The following TBK1 variants were observed in gnomAD, a reference collection of about 807,000 sequenced individuals.
The protein encoded by TBK1 is serine/threonine-protein kinase TBK1.
Under a neutral mutation model 99.9 loss-of-function variants are expected in TBK1, and 37 were observed. The observed-to-expected ratio is 0.37, with a 90% CI of 0.28 to 0.49. TBK1 has a LOEUF of 0.49. TBK1 is among the 20% of genes least tolerant of loss of function. The pLI is 0.98. For synonymous variants in TBK1, 258 were observed against 279.8 expected, an observed-to-expected ratio of 0.92 and a Z score of 0.78; for missense variants, 644 against 872.5, an observed-to-expected ratio of 0.74 and a Z score of 3.30.
chr12:64,497,898 TA>T, intron 19 of TBK1, 69 bp from the exon 20 acceptor site: 1 of 1,489,186 alleles, frequency 6.7e-7, no homozygotes, highest in South Asian at 1.2e-5. Flanking sequence ...TAAAAGAAAA[TA>T]AAACATAAAC....
intron 13 of TBK1, among the ~76,000 whole-genome samples, chr12:64,491,350 G>A (rs1161792342): frequency 1.3e-5 from 2 of 152,146 alleles, no homozygotes; most frequent in Non-Finnish European, 2.9e-5. Context: ...GCTGGGTGTG[G>A]TGGCTCACAC....
chr12:64,497,152 T>C lies in TBK1; in HGVS notation c.1863-11T>C. On this transcript the variant is annotated splice_polypyrimidine_tract_variant and intron_variant, in intron 17 of 20. Transcript: ENST00000331710. ...TAGACTGCATATCAATTGATTCTTT[T>C]TGGTTTTCAGAAAGATGCTTCATCT... The C allele has an allele frequency of 6.3e-7, 1 of 1,589,430 alleles. No individual in the cohort carries two copies. Among genetic ancestry groups the C allele is most frequent in the Non-Finnish European group, 8.6e-7 (1 of 1,165,634 alleles).
At chr12:64,464,075 G>A (rs1271441316) in intron 3 of TBK1, among the ~76,000 whole-genome samples, 1 of 152,026 alleles carries the variant, frequency 6.6e-6, no homozygotes, top group Non-Finnish European at 1.5e-5. Context: ...TGTTGGCCAG[G>A]ATAGTCTCAA....
intron 13 of TBK1, among the ~76,000 whole-genome samples, chr12:64,494,141 A>C (rs745473881): frequency 6.6e-6 from 1 of 152,176 alleles, no homozygotes; most frequent in Non-Finnish European, 1.5e-5. Context: ...GACATAAAGC[A>C]TAAAAACCGA....
chr12:64,495,692 T>C lies in TBK1; in HGVS notation c.1644-7T>C. ...TTAATTTATTTGAGTTTTTCTTCCTTAAATAGTGTAGAAAAACTACAAGTC... is the reference window on the plus strand; with the variant it reads ...TTAATTTATTTGAGTTTTTCTTCCTCAAATAGTGTAGAAAAACTACAAGTC... On this transcript the variant is annotated splice_region_variant and splice_polypyrimidine_tract_variant and intron_variant, in intron 14 of 20. Coordinates refer to ENST00000331710, the MANE Select transcript of TBK1 (RefSeq NM_013254.4). 6.2e-7 allele frequency: 1 copy of C among 1,611,386 alleles called. No homozygotes were observed. Among genetic ancestry groups the C allele is most frequent in the Non-Finnish European group, 8.5e-7 (1 of 1,179,088 alleles).
intron 15 of TBK1, 168 bp downstream of exon 15, chr12:64,495,943 ACTATCCTT>A: frequency 1.5e-5 from 8 of 547,246 alleles, no homozygotes; most frequent in Non-Finnish European, 2.5e-5. Context: ...AAAAAAAAAA[ACTATCCTT>A]AAAATCAACC....
At chr12:64,452,273 C>G (rs1004189489) in intron 1 of TBK1, 86 bp downstream of exon 1, 3 of 152,226 alleles carry the variant, frequency 2.0e-5, no homozygotes, top group African/African-American at 7.2e-5. Context: ...GGAGCGCTCC[C>G]GCCCCCTGTG....
Position 64,474,346 on chromosome 12 carries a change from G to C in TBK1, c.657G>C (p.Leu219=). 6.2e-7 allele frequency: 1 copy of C among 1,614,034 alleles called. No homozygotes were observed. The highest frequency in any genetic ancestry group is 8.5e-7 in the Non-Finnish European group (1 of 1,179,984). ...TTTACCATGCAGCTACTGGATCACT[G>C]CCATTTAGACCCTTTGAAGGGCCTC... The part of the protein sequence containing the change: ...VTFYHAATGS[L]PFRPFEGPRR... Residue 219 remains leucine, a synonymous_variant, in exon 6 of 21, where the codon CTG becomes CTC. Transcript: ENST00000331710.
At chr12:64,488,417 A>G (rs1411269419) in intron 11 of TBK1, 70 bp from the exon 12 acceptor site, 3 of 795,504 alleles carry the variant, frequency 3.8e-6, no homozygotes, top group East Asian at 2.8e-5. Context: ...GTAGTACTGC[A>G]GTATAATTAG....
intron 6 of TBK1, among the ~76,000 whole-genome samples, chr12:64,477,947 G>A (rs1410411387): frequency 6.6e-6 from 1 of 152,132 alleles, no homozygotes; most frequent in African/African-American, 2.4e-5. Context: ...ATCCATAATT[G>A]ACCACACTTC....
Position 64,491,205 on chromosome 12 carries a change from T to TAGC in TBK1, c.1521+1086_1521+1087insAGC, listed in dbSNP as rs547353785. Among the ~76,000 whole-genome samples, 26 of 152,318 alleles carry TAGC rather than the reference T, an allele frequency of 1.7e-4. No homozygotes were observed. In the East Asian group the frequency reaches 5.0e-3, roughly 29 times the overall value. Reference sequence around the variant, plus strand: ...CCCCATTTACCTGCCTACTCATGACTGGCTACTTAAGCAAGGCCTTTTAAT... The same window carrying TAGC: ...CCCCATTTACCTGCCTACTCATGACTAGCGGCTACTTAAGCAAGGCCTTTTAAT... On this transcript the variant is annotated intron_variant, in intron 13 of 20. Transcript: ENST00000331710.
chr12:64,481,910 GT>G lies in TBK1; in HGVS notation c.885del (p.Phe295LeufsTer16). The G allele has an allele frequency of 6.2e-7, 1 of 1,611,614 alleles. No homozygotes were observed. The highest frequency in any genetic ancestry group is 8.5e-7 in the Non-Finnish European group (1 of 1,178,972). On this transcript the variant is annotated frameshift_variant, in exon 8 of 21. Transcript: ENST00000331710. LOFTEE classifies it high-confidence loss of function. ...ILEADQEKCW[G>X]FDQFFAETSD... Reference sequence around the variant, plus strand: ...GAAGCAGATCAGGAAAAGTGTTGGGGTTTTGACCAGTTTTTTGCAGAAACTA... The same window carrying G: ...GAAGCAGATCAGGAAAAGTGTTGGGGTTTGACCAGTTTTTTGCAGAAACTA...
intron 4 of TBK1, among the ~76,000 whole-genome samples, chr12:64,466,616 T>C (rs555733440): frequency 2.2e-4 from 34 of 152,184 alleles, no homozygotes; most frequent in African/African-American, 8.2e-4. Context: ...ATTCAAGAAA[T>C]CATATGCTTA....
At chr12:64,470,612 C>T (rs893373239) in intron 5 of TBK1, among the ~76,000 whole-genome samples, 2 of 152,120 alleles carry the variant, frequency 1.3e-5, no homozygotes, top group Non-Finnish European at 2.9e-5. Flanking sequence ...AAATGGAGTT[C>T]GAAATAGATT....
rs79536404 is a variant in TBK1, at chr12:64,488,433, G to A, written c.1341-54G>A. The A allele has an allele frequency of 2.0e-3, 2,148 of 1,066,158 alleles. 36 individuals carry two copies. The African/African-American group carries it at 0.032, about 16-fold the overall frequency. 66.0% of individuals were successfully genotyped at this position (1,066,158 alleles called of 1,614,324 possible). ...TAGTACTGCAGTATAATTAGTGATAGATAGAAAAAATAACTCCTTAGATAA... is the reference window on the plus strand; with the variant it reads ...TAGTACTGCAGTATAATTAGTGATAAATAGAAAAAATAACTCCTTAGATAA... On this transcript the variant is annotated intron_variant, in intron 11 of 20. Transcript: ENST00000331710.
In TBK1 at chr12:64,485,990, T is replaced by C; in HGVS notation, c.1313T>C (p.Leu438Ser). 6.3e-7 allele frequency: 1 copy of C among 1,591,748 alleles called. No individual in the cohort carries two copies. The highest frequency in any genetic ancestry group is 8.5e-7 in the Non-Finnish European group (1 of 1,170,052). The stretch of plus-strand genomic sequence containing the variant: ...AGTACCTTACTGCTTTATCAGGAAT[T>C]AATGCGAAAGGGGATACGATGGCTG... ...IASTLLLYQE[L>S]MRKGIRWLIE... is the part of the protein sequence containing the mutation. The change falls in exon 11 of 21, where the codon TTA becomes TCA. Residue 438 changes from leucine to serine, a missense_variant. Leu to Ser is a moderately radical substitution (Grantham distance 145). This residue lies in a region of TBK1 where 465 missense variants were observed against 588.0 expected (regional missense o/e 0.79). Transcript: ENST00000331710.
chr12:64,454,994 T>C (rs2040471547), intron 1 of TBK1, among the ~76,000 whole-genome samples: 1 of 146,240 alleles, frequency 6.8e-6, no homozygotes, highest in Non-Finnish European at 1.5e-5. Flanking sequence ...TTTTTTTCTT[T>C]TTTTTTTTTT....
intron 2 of TBK1, among the ~76,000 whole-genome samples, chr12:64,457,978 G>T (rs566428199): frequency 6.6e-6 from 1 of 152,100 alleles, no homozygotes; most frequent in Non-Finnish European, 1.5e-5. Flanking sequence ...GAGCATGGTG[G>T]CTCACGCCTG....
chr12:64,480,008 C>T lies in TBK1; in HGVS notation c.702-4C>T, dbSNP rs2040752578. 1 of 1,601,586 alleles carries T rather than the reference C, an allele frequency of 6.2e-7. No homozygotes were observed. The highest frequency in any genetic ancestry group is 2.2e-5 in the East Asian group (1 of 44,652). On this transcript the variant is annotated splice_region_variant and splice_polypyrimidine_tract_variant and intron_variant, in intron 6 of 20. Coordinates refer to ENST00000331710, the MANE Select transcript of TBK1 (RefSeq NM_013254.4). Reference sequence around the variant, plus strand: ...TATTTTATTCTGCTTTTGTTCCTCCCAAGGTATAAAATAATTACAGGAAAG... The same window carrying T: ...TATTTTATTCTGCTTTTGTTCCTCCTAAGGTATAAAATAATTACAGGAAAG...
Sources: allele counts gnomAD v4.1 joint callset (sites outside exome capture counted in the v4.1 genomes callset), GRCh38; gene constraint gnomAD v4.1.1; regional missense constraint gnomAD v4.1.1; transcripts MANE v1.5; gene names NCBI Gene and HGNC (gene_info 2026-07-23, HGNC 2026-07-21).